TMEM266: variants seen among roughly 807,000 people sequenced by gnomAD.
The protein encoded by TMEM266 is transmembrane protein 266.
TMEM266 carries 33 observed loss-of-function variants against 50.5 expected under a neutral mutation model. The observed-to-expected ratio is 0.65, with a 90% CI of 0.50 to 0.87. TMEM266 has a LOEUF of 0.87. TMEM266 is among the 40% of genes least tolerant of loss of function. The pLI is 0.00. For missense variants in TMEM266, 655 were observed against 695.1 expected, an observed-to-expected ratio of 0.94 and a Z score of 0.65; for synonymous variants, 310 against 292.3, an observed-to-expected ratio of 1.06 and a Z score of -0.62.
At chr15:76,093,211 A>G (rs1202212272) in intron 1 of TMEM266, among the ~76,000 whole-genome samples, 1 of 151,778 alleles carries the variant, frequency 6.6e-6, no homozygotes, top group Non-Finnish European at 1.5e-5. Context: ...ATAGGTATAC[A>G]CGTGCCATGT....
chr15:76,149,281 CTTGT>C (rs1171986773), intron 3 of TMEM266, among the ~76,000 whole-genome samples: 5 of 152,174 alleles, frequency 3.3e-5, no homozygotes, highest in African/African-American at 4.8e-5. Flanking sequence ...TTTTCCTCCC[CTTGT>C]TTGTTTTGCC....
intron 8 of TMEM266, among the ~76,000 whole-genome samples, chr15:76,186,879 C>A (rs563694792): frequency 1.4e-3 from 217 of 152,288 alleles, no homozygotes; most frequent in African/African-American, 4.8e-3. Context: ...TGGCTCCAGG[C>A]TCTGCCTGGT....
intron 8 of TMEM266, among the ~76,000 whole-genome samples, chr15:76,180,636 C>T (rs1328838126): frequency 5.6e-5 from 4 of 71,490 alleles, no homozygotes; most frequent in African/African-American, 2.0e-4. Context: ...TTTTTTGGAA[C>T]AGAGTCTCAC....
rs185054611 is a variant in TMEM266 at position 76,196,218 on chromosome 15, A to G, written c.958+4061A>G. Among the ~76,000 whole-genome samples, 115 of 152,264 alleles carry G rather than the reference A, an allele frequency of 7.6e-4. 1 individual carries two copies. Among genetic ancestry groups the G allele is most frequent in the African/African-American group, 2.2e-3 (92 of 41,544 alleles). On this transcript the variant is annotated intron_variant, in intron 9 of 10. Coordinates refer to ENST00000388942, the MANE Select transcript of TMEM266 (RefSeq NM_152335.3). ...AGCAGGTGCAGATGCTTCTCCGTCCAGCCCTGGGATCCCCCTGCCCACTCT... is the reference window on the plus strand; with the variant it reads ...AGCAGGTGCAGATGCTTCTCCGTCCGGCCCTGGGATCCCCCTGCCCACTCT...
chr15:76,063,152 C>T (rs1332885160), intron 1 of TMEM266, among the ~76,000 whole-genome samples: 1 of 152,180 alleles, frequency 6.6e-6, no homozygotes, highest in Non-Finnish European at 1.5e-5. Flanking sequence ...ACTTGATTTT[C>T]ATCAGTCTCT....
In TMEM266 at chr15:76,204,222, C is replaced by T; in HGVS notation, c.1503C>T (p.Val501=). The T allele has an allele frequency of 6.2e-7, 1 of 1,614,034 alleles. No homozygotes were observed. Among genetic ancestry groups the T allele is most frequent in the Non-Finnish European group, 8.5e-7 (1 of 1,180,010 alleles). ...TCACTGTCTTTCAGATCAGGCCTGT[C>T]ATCCACTTCCAGCCCACTGTGCCCA... is the stretch of plus-strand genomic sequence containing the variant. The change falls in exon 11 of 11, where the codon GTC becomes GTT. Residue 501 remains valine (V), a synonymous_variant. Coordinates refer to ENST00000388942, the MANE Select transcript of TMEM266 (RefSeq NM_152335.3).
At chr15:76,151,717 C>T (rs1283154959) in intron 3 of TMEM266, among the ~76,000 whole-genome samples, 1 of 152,158 alleles carries the variant, frequency 6.6e-6, no homozygotes, top group African/African-American at 2.4e-5. Flanking sequence ...TACCTGTTAC[C>T]TCTTAGTAGG....
At chr15:76,070,907 G>C (rs905363332) in intron 1 of TMEM266, among the ~76,000 whole-genome samples, 2 of 152,194 alleles carry the variant, frequency 1.3e-5, no homozygotes, top group Non-Finnish European at 2.9e-5. Context: ...CTATTTTACA[G>C]ATGTGGAGCC....
chr15:76,201,690 T>G (rs2038750965), intron 9 of TMEM266, among the ~76,000 whole-genome samples: 1 of 151,878 alleles, frequency 6.6e-6, no homozygotes, highest in South Asian at 2.1e-4. Flanking sequence ...CCTCCCCAGG[T>G]CTGTTCCTAT....
chr15:76,192,027 G>C lies in TMEM266; in HGVS notation c.828G>C (p.Glu276Asp). The change falls in exon 9 of 11, where the codon GAG (glutamate) becomes GAC (aspartate). Residue 276 changes from glutamate (E) to aspartate (D), a missense_variant. Glu to Asp is a conservative substitution (Grantham distance 45). Around this residue, in one of 3 missense-constraint regions of TMEM266, gnomAD observed 455 missense variants for 401.8 expected, o/e 1.13. Coordinates refer to ENST00000388942, the MANE Select transcript of TMEM266 (RefSeq NM_152335.3). ...AGCAGGACCTGGACCTGGCTGCCGA[G>C]CGCGAAGCGGCGCTCCAGGCCCCGC... The C allele has an allele frequency of 6.4e-7, 1 of 1,567,402 alleles. No homozygotes were observed. Among genetic ancestry groups the C allele is most frequent in the Non-Finnish European group, 8.6e-7 (1 of 1,162,668 alleles).
intron 1 of TMEM266, among the ~76,000 whole-genome samples, chr15:76,122,826 G>C (rs1314529688): frequency 3.3e-5 from 5 of 152,198 alleles, no homozygotes; most frequent in Non-Finnish European, 7.3e-5. Flanking sequence ...GGAGCAAGTG[G>C]ATCCTTTGTC....
intron 1 of TMEM266, among the ~76,000 whole-genome samples, chr15:76,078,363 T>TCACA (rs945609852): frequency 7.9e-5 from 12 of 151,440 alleles, no homozygotes; most frequent in Non-Finnish European, 1.5e-4. Flanking sequence ...CCTCTCTTTC[T>TCACA]CACACACACA....
chr15:76,204,378 G>T lies in TMEM266; in HGVS notation c.*63G>T. ...CATCTCAAAGCTCTCCTGGGACCCTGGAGGCTGCCAAGGGCCACACGCGGG... is the reference window on the plus strand; with the variant it reads ...CATCTCAAAGCTCTCCTGGGACCCTTGAGGCTGCCAAGGGCCACACGCGGG... On this transcript the variant is annotated 3_prime_UTR_variant, in exon 11 of 11. Transcript: ENST00000388942. The T allele has an allele frequency of 6.7e-7, 1 of 1,487,890 alleles. No homozygotes were observed. Among genetic ancestry groups the T allele is most frequent in the Non-Finnish European group, 9.1e-7 (1 of 1,102,010 alleles). The allele number at this position is 1,487,890 out of a possible 1,614,324, so 92.2% of individuals were successfully genotyped here.
At chr15:76,111,907 C>T (rs758519717) in intron 1 of TMEM266, 1 of 152,142 alleles carries the variant, frequency 6.6e-6, no homozygotes, top group Non-Finnish European at 1.5e-5. Flanking sequence ...AATGGGTAAA[C>T]AAACTGTAAT....
chr15:76,174,410 G>A (rs1648817576), intron 7 of TMEM266, among the ~76,000 whole-genome samples: 1 of 152,120 alleles, frequency 6.6e-6, no homozygotes, highest in Non-Finnish European at 1.5e-5. Flanking sequence ...AATTAGCCAG[G>A]CGTGGTGGCG....
intron 1 of TMEM266, among the ~76,000 whole-genome samples, chr15:76,070,639 A>G (rs1300086193): frequency 6.6e-6 from 1 of 152,226 alleles, no homozygotes; most frequent in African/African-American, 2.4e-5. Flanking sequence ...CAACACTGCC[A>G]TACCTCTGGA....
intron 8 of TMEM266, among the ~76,000 whole-genome samples, chr15:76,187,196 T>C (rs2038500978): frequency 6.6e-6 from 1 of 152,276 alleles, no homozygotes; most frequent in Non-Finnish European, 1.5e-5. Context: ...TTCATCTCTT[T>C]AGCTGAAACT....
chr15:76,094,248 G>T (rs1273038445), intron 1 of TMEM266, among the ~76,000 whole-genome samples: 1 of 152,000 alleles, frequency 6.6e-6, no homozygotes, highest in African/African-American at 2.4e-5. Context: ...TATAGTCCTA[G>T]GTCTTATGTT....
chr15:76,122,708 T>C lies in TMEM266; in HGVS notation c.-96-11460T>C, dbSNP rs117696082. Among the ~76,000 whole-genome samples the C allele has an allele frequency of 3.8e-3, 572 of 152,272 alleles. 14 individuals are homozygous for C. The East Asian group carries it at 0.054, about 14-fold the overall frequency. ...GTGGTTCTCAAAATCATAGATATTT[T>C]AGTTCTCCAGAAACTCTGCAGAATT... On this transcript the variant is annotated intron_variant, in intron 1 of 10. Transcript: ENST00000388942.
Sources: allele counts gnomAD v4.1 joint callset (sites outside exome capture counted in the v4.1 genomes callset), GRCh38; gene constraint gnomAD v4.1.1; regional missense constraint gnomAD v4.1.1; transcripts MANE v1.5; gene names NCBI Gene and HGNC (gene_info 2026-07-23, HGNC 2026-07-21).